The following FREM2 variants were observed in gnomAD, a reference collection of about 807,000 sequenced individuals.
FREM2 encodes FRAS1-related extracellular matrix protein 2.
In FREM2, 119 loss-of-function variants were observed where a neutral mutation model predicts 219.9. The ratio of observed to expected loss-of-function variants is 0.54; its 90% CI spans 0.47 to 0.63. The LOEUF is 0.63. Ranked by LOEUF, FREM2 falls within the 30% of genes least tolerant of loss-of-function variation. FREM2 has a pLI of 0.00. For synonymous variants in FREM2, 1,562 were observed against 1,522.8 expected, an observed-to-expected ratio of 1.03 and a Z score of -0.60; for missense variants, 4,030 against 3,993.6, an observed-to-expected ratio of 1.01 and a Z score of -0.25.
At chr13:38,874,610 A>G in intron 18 of FREM2, 24 bp downstream of exon 18, 1 of 1,558,684 alleles carries the variant, frequency 6.4e-7, no homozygotes, top group Non-Finnish European at 8.9e-7. Flanking sequence ...TCTTTTAACA[A>G]CCACTCCTCA....
chr13:38,856,351 CT>C, intron 12 of FREM2, 95 bp downstream of exon 12: 1 of 1,147,292 alleles, frequency 8.7e-7, no homozygotes, highest in Non-Finnish European at 1.3e-6. Context: ...AATGAGGAGA[CT>C]TTGAACAAGC....
At chr13:38,831,161 G>T (rs1209988829) in intron 6 of FREM2, among the ~76,000 whole-genome samples, 1 of 151,976 alleles carries the variant, frequency 6.6e-6, no homozygotes, top group African/African-American at 2.4e-5. Context: ...TCATATATGG[G>T]GTATGCTGTC....
rs929868079 is a variant in FREM2 at position 38,691,271 on chromosome 13, T to C, written c.3927T>C (p.Asn1309=). ...VDDETPRMTI[N]NGLEIEIGDT... The stretch of plus-strand genomic sequence containing the variant: ...ATGAGACGCCCAGAATGACTATCAA[T>C]AATGGACTAGAAATAGAAATTGGGG... The change falls in exon 1 of 24, where the codon AAT becomes AAC. Residue 1309 remains asparagine (N), a synonymous_variant. Coordinates refer to ENST00000280481, the MANE Select transcript of FREM2 (RefSeq NM_207361.6). 5 of 1,613,700 alleles carry C rather than the reference T, an allele frequency of 3.1e-6. No homozygotes were observed. In the African/African-American group the frequency reaches 4.0e-5, roughly 13 times the overall value.
intron 4 of FREM2, among the ~76,000 whole-genome samples, chr13:38,782,356 A>AT (rs1348858417): frequency 1.3e-5 from 2 of 151,964 alleles, no homozygotes; most frequent in African/African-American, 4.8e-5. Flanking sequence ...TACTTTTGCC[A>AT]TTTTTATTAT....
chr13:38,878,887 C>T lies in FREM2; in HGVS notation c.8916C>T (p.Ala2972=), dbSNP rs1878445916. The T allele has an allele frequency of 3.1e-6, 5 of 1,613,918 alleles. No homozygotes were observed. The highest frequency in any genetic ancestry group is 1.7e-5 in the Admixed American group (1 of 60,000). Reference sequence around the variant, plus strand: ...GTTTTGGAAATGTCCTATTTAATGCCAAACTAGCAGTGGATGACCCTGAAG... The same window carrying T: ...GTTTTGGAAATGTCCTATTTAATGCTAAACTAGCAGTGGATGACCCTGAAG... ...ATSFGNVLFN[A]KLAVDDPEAI... is the part of the protein sequence containing the mutation. Residue 2972 remains alanine (A), a synonymous_variant, in exon 23 of 24, where the codon GCC becomes GCT. Transcript: ENST00000280481.
intron 6 of FREM2, among the ~76,000 whole-genome samples, chr13:38,833,405 A>G (rs1258704430): frequency 1.3e-5 from 2 of 151,838 alleles, no homozygotes; most frequent in Non-Finnish European, 2.9e-5. Flanking sequence ...ACTTCTCCCT[A>G]TTCTTAGTTA....
intron 17 of FREM2, 152 bp downstream of exon 17, chr13:38,873,086 C>A: frequency 1.4e-6 from 1 of 702,004 alleles, no homozygotes. Flanking sequence ...CCTTTTTCAT[C>A]AAAAAACTCT....
chr13:38,721,311 C>A (rs1413999802), intron 2 of FREM2, among the ~76,000 whole-genome samples: 1 of 152,012 alleles, frequency 6.6e-6, no homozygotes, highest in Non-Finnish European at 1.5e-5. Flanking sequence ...ACTGACAAGA[C>A]ATTAGAGGCA....
chr13:38,741,566 A>T (rs773340815), intron 2 of FREM2, among the ~76,000 whole-genome samples: 2 of 152,184 alleles, frequency 1.3e-5, no homozygotes, highest in Non-Finnish European at 2.9e-5. Flanking sequence ...CATTGTTAGG[A>T]GCGAATTAAG....
At chr13:38,826,651 C>T (rs890404951) in intron 6 of FREM2, among the ~76,000 whole-genome samples, 4 of 152,132 alleles carry the variant, frequency 2.6e-5, no homozygotes, top group African/African-American at 7.2e-5. Context: ...TTCCTGAGAC[C>T]TCACACAGAT....
intron 2 of FREM2, among the ~76,000 whole-genome samples, chr13:38,735,169 C>T (rs1169257156): frequency 1.3e-5 from 2 of 152,152 alleles, no homozygotes; most frequent in Admixed American, 6.5e-5. Flanking sequence ...TATGAAGAAA[C>T]CTCAGCCTCA....
chr13:38,849,996 C>T (rs1454368084), intron 8 of FREM2, 42 bp from the exon 9 acceptor site: 1 of 1,542,396 alleles, frequency 6.5e-7, no homozygotes, highest in South Asian at 1.1e-5. Flanking sequence ...TGCCATTTTC[C>T]ACAAGGAAAT....
chr13:38,859,502 GGTACAGTGC>G lies in FREM2; in HGVS notation c.7433_7441del (p.Val2478_Cys2480del). 6.2e-7 allele frequency: 1 copy of G among 1,614,052 alleles called. No individual in the cohort carries two copies. The highest frequency in any genetic ancestry group is 8.5e-7 in the Non-Finnish European group (1 of 1,180,010). On this transcript the variant is annotated inframe_deletion, in exon 14 of 24. Transcript: ENST00000280481. ...CCATATACTTTCAGCCTGGCTCCCG[GGTACAGTGC>G]GCAGCTCGTGCTGTGAACACCAATG... is the stretch of plus-strand genomic sequence containing the variant.
intron 6 of FREM2, among the ~76,000 whole-genome samples, chr13:38,814,562 A>T (rs1566152113): frequency 6.6e-6 from 1 of 152,124 alleles, no homozygotes; most frequent in Non-Finnish European, 1.5e-5. Context: ...GTGAGGAAGC[A>T]CACCTGTGGC....
chr13:38,691,973 C>G lies in FREM2; in HGVS notation c.4629C>G (p.Val1543=). 1 of 1,614,206 alleles carries G rather than the reference C, an allele frequency of 6.2e-7. No homozygotes were observed. Among genetic ancestry groups the G allele is most frequent in the Non-Finnish European group, 8.5e-7 (1 of 1,180,028 alleles). The change falls in exon 1 of 24, where the codon GTC becomes GTG. Residue 1543 remains valine, a synonymous_variant. Coordinates refer to ENST00000280481, the MANE Select transcript of FREM2 (RefSeq NM_207361.6). ...TGGTCACCATCCACAAGCTGGTTGT[C>G]AGTGAAAGTGAAAACAAGCTGATTA... The part of the protein sequence containing the change: ...KPVVTIHKLV[V]SESENKLITP...
intron 6 of FREM2, among the ~76,000 whole-genome samples, chr13:38,818,352 T>G (rs1303662569): frequency 2.0e-5 from 3 of 151,972 alleles, no homozygotes; most frequent in Non-Finnish European, 2.9e-5. Flanking sequence ...TATACAGTCA[T>G]AAAACATAAT....
chr13:38,790,341 T>G (rs1874511322), intron 6 of FREM2, among the ~76,000 whole-genome samples: 1 of 152,186 alleles, frequency 6.6e-6, no homozygotes, highest in Non-Finnish European at 1.5e-5. Flanking sequence ...AGCCACAGTA[T>G]TAGCTCATTT....
intron 2 of FREM2, among the ~76,000 whole-genome samples, chr13:38,708,651 C>A (rs1302221440): frequency 1.3e-5 from 2 of 152,088 alleles, no homozygotes; most frequent in East Asian, 3.9e-4. Context: ...GAGACTCTGT[C>A]TCAATAAATA....
In FREM2 at chr13:38,732,466, A is replaced by T. The variant is rs185027687; in HGVS notation, c.5264-31838A>T. Among the ~76,000 whole-genome samples, 679 of 152,352 alleles carry T rather than the reference A, an allele frequency of 4.5e-3. 10 individuals are homozygous for T. Among genetic ancestry groups the T allele is most frequent in the African/African-American group, 0.016 (648 of 41,582 alleles). ...ATGACAGCCATTATTTTCAAAGCAT[A>T]CTAAATGCCAATTCAAGTGTCTGTT... On this transcript the variant is annotated intron_variant, in intron 2 of 23. Transcript: ENST00000280481.
Sources: allele counts gnomAD v4.1 joint callset (sites outside exome capture counted in the v4.1 genomes callset), GRCh38; gene constraint gnomAD v4.1.1; transcripts MANE v1.5; gene names NCBI Gene and HGNC (gene_info 2026-07-23, HGNC 2026-07-21).